The following TCEA2 variants were observed in gnomAD, a reference collection of about 807,000 sequenced individuals.
TCEA2 encodes transcription elongation factor A protein 2.
Under a neutral mutation model 40.8 loss-of-function variants are expected in TCEA2, and 21 were observed. That is an observed-to-expected ratio of 0.51 (90% CI 0.36 to 0.74). TCEA2 has a LOEUF of 0.74. Among genes scored for constraint, TCEA2 ranks in the 30% least tolerant of loss-of-function variants. The pLI is 0.00. For missense variants in TCEA2, 326 were observed against 426.5 expected, an observed-to-expected ratio of 0.76 and a Z score of 2.08; for synonymous variants, 165 against 162.7, an observed-to-expected ratio of 1.01 and a Z score of -0.11.
At position 64,066,474 on chromosome 20, in the gene TCEA2, A is replaced by G. The variant is rs113421281; in HGVS notation, c.73-2A>G. 1 of 1,613,802 alleles carries G rather than the reference A, an allele frequency of 6.2e-7. No individual in the cohort carries two copies. Among genetic ancestry groups the G allele is most frequent in the Non-Finnish European group, 8.5e-7 (1 of 1,179,808 alleles). ...TTATGAAGGTCCTCCTTCTCCTTCC[A>G]GGAGGGAGCCATGGATTTGCTGCGG... On this transcript the variant is annotated splice_acceptor_variant, in intron 1 of 9. Transcript: ENST00000343484. LOFTEE classifies it high-confidence loss of function.
chr20:64,063,731 T>C (rs934365286), intron 1 of TCEA2: 5 of 286,732 alleles, frequency 1.7e-5, no homozygotes, highest in Non-Finnish European at 3.3e-5. Flanking sequence ...GCCCGTCGAC[T>C]CCTTCCTTGG....
intron 3 of TCEA2, 58 bp downstream of exon 3, chr20:64,067,078 C>T: frequency 6.6e-7 from 1 of 1,510,872 alleles, no homozygotes; most frequent in Non-Finnish European, 9.0e-7. Flanking sequence ...AGTGCTGCCT[C>T]TTGCTGGTCA....
Position 64,070,304 on chromosome 20 carries a change from C to A in TCEA2, c.562C>A (p.Arg188Ser). Residue 188 changes from arginine (R) to serine (S), a missense_variant, in exon 7 of 10, where the codon CGT becomes AGT. By Grantham distance (110) the Arg-to-Ser change is moderately radical (BLOSUM62 -1). Coordinates refer to ENST00000343484, the MANE Select transcript of TCEA2 (RefSeq NM_003195.6). ...VGNTDMKYKN[R>S]VRSRISNLKD... The stretch of plus-strand genomic sequence containing the variant: ...AAACACAGACATGAAGTATAAGAAC[C>A]GTGTACGGAGTCGTATCTCCAACCT... The A allele has an allele frequency of 6.2e-7, 1 of 1,614,202 alleles. No individual in the cohort carries two copies. The highest frequency in any genetic ancestry group is 1.1e-5 in the South Asian group (1 of 91,084).
chr20:64,069,064 T>C (rs1011761909), intron 4 of TCEA2, among the ~76,000 whole-genome samples: 1 of 152,216 alleles, frequency 6.6e-6, no homozygotes, highest in Non-Finnish European at 1.5e-5. Flanking sequence ...GATCGACTGG[T>C]AATGCTGCCC....
At chr20:64,060,286 G>A (rs988341191), upstream of TCEA2, among the ~76,000 whole-genome samples, 1 of 152,210 alleles carries the variant, frequency 6.6e-6, no homozygotes, top group African/African-American at 2.4e-5. Flanking sequence ...TCCTTTCGGT[G>A]GTCTTCAAAT....
chr20:64,066,659 G>A (rs776419911), intron 2 of TCEA2, 121 bp downstream of exon 2: 2 of 1,151,376 alleles, frequency 1.7e-6, no homozygotes, highest in Non-Finnish European at 1.3e-6. Context: ...TGGCACAAAT[G>A]CCTGTTCCTG....
At chr20:64,069,853 T>G (rs1215418423) in intron 6 of TCEA2, 32 bp downstream of exon 6, 1 of 1,609,628 alleles carries the variant, frequency 6.2e-7, no homozygotes, top group Admixed American at 1.7e-5. Context: ...TGGGCCTGGG[T>G]TTCTGGTGGA....
At chr20:64,061,211 C>G (rs2059558810), upstream of TCEA2, among the ~76,000 whole-genome samples, 1 of 148,594 alleles carries the variant, frequency 6.7e-6, no homozygotes, top group South Asian at 2.2e-4. Flanking sequence ...AGTGATTCTC[C>G]TGCCTCAGCC....
At chr20:64,056,665 T>C (rs1464275073), upstream of TCEA2, 2 of 152,038 alleles carry the variant, frequency 1.3e-5, no homozygotes, top group African/African-American at 2.4e-5. Context: ...GAAGCATGGA[T>C]AGCGGCCACT....
rs748043302 is a variant in TCEA2, at chr20:64,069,403, G to T, written c.372G>T (p.Arg124Ser). The change falls in exon 5 of 10, where the codon AGG (arginine) becomes AGT (serine). Residue 124 changes from arginine (R) to serine (S), a missense_variant. By Grantham distance (110) the Arg-to-Ser change is moderately radical. Transcript: ENST00000343484. The part of the protein sequence containing the change: ...PELPRAPSTP[R>S]ITTFPPVPVT... Reference sequence around the variant, plus strand: ...TGCCCAGGGCACCGTCGACTCCGAGGATCACCACATTTCCTCCGGTGCCTG... The same window carrying T: ...TGCCCAGGGCACCGTCGACTCCGAGTATCACCACATTTCCTCCGGTGCCTG... The T allele has an allele frequency of 6.2e-7, 1 of 1,611,522 alleles. No individual in the cohort carries two copies. The highest frequency in any genetic ancestry group is 8.5e-7 in the Non-Finnish European group (1 of 1,179,206).
chr20:64,067,147 G>A, intron 3 of TCEA2, 127 bp downstream of exon 3: 1 of 941,480 alleles, frequency 1.1e-6, no homozygotes, highest in Non-Finnish European at 1.6e-6. Context: ...GAGTGGGGCA[G>A]TGGCAAACCC....
At position 64,069,787 on chromosome 20, in the gene TCEA2, G is replaced by C. The variant is rs138147241; in HGVS notation, c.483G>C (p.Ala161=). The C allele has an allele frequency of 6.2e-7, 1 of 1,613,626 alleles. No homozygotes were observed. Among genetic ancestry groups the C allele is most frequent in the Non-Finnish European group, 8.5e-7 (1 of 1,179,628 alleles). Residue 161 remains alanine (A), a synonymous_variant, in exon 6 of 10, where the codon GCG becomes GCC. Transcript: ENST00000343484. ...QTDHDHVAIG[A]DCERLSAQIE... is the part of the protein sequence containing the mutation. ...CAGATGACCACGTGGCCATCGGTGC[G>C]GACTGCGAGCGCCTGTCGGCTCAGA... is the stretch of plus-strand genomic sequence containing the variant.
chr20:64,062,292 T>TGCACCTGTCCCC (rs1186775820), upstream of TCEA2: 1 of 152,354 alleles, frequency 6.6e-6, no homozygotes, highest in Non-Finnish European at 1.5e-5. Flanking sequence ...ATGCTGGCCC[T>TGCACCTGTCCCC]GCACCTGTCC....
Position 64,066,513 on chromosome 20 carries a change from T to G in TCEA2, c.110T>G (p.Met37Arg), listed in dbSNP as rs1279272541. The change falls in exon 2 of 10, where the codon ATG (methionine) becomes AGG (arginine). Residue 37 changes from methionine (M) to arginine (R), a missense_variant. Met to Arg is a moderately conservative substitution (Grantham distance 91). Coordinates refer to ENST00000343484, the MANE Select transcript of TCEA2 (RefSeq NM_003195.6). ...AMDLLRELKA[M>R]PITLHLLQST... Reference sequence around the variant, plus strand: ...GATTTGCTGCGGGAGCTGAAGGCCATGCCTATCACGCTGCACCTGCTCCAG... The same window carrying G: ...GATTTGCTGCGGGAGCTGAAGGCCAGGCCTATCACGCTGCACCTGCTCCAG... 6.2e-7 allele frequency: 1 copy of G among 1,613,880 alleles called. No homozygotes were observed. The highest frequency in any genetic ancestry group is 1.7e-5 in the Admixed American group (1 of 60,018).
At chr20:64,063,675 A>G (rs2059621090) in intron 1 of TCEA2, 2 of 479,764 alleles carry the variant, frequency 4.2e-6, no homozygotes, top group Admixed American at 7.7e-5. Context: ...CCGCAGTCAC[A>G]GGCTCCGCAC....
chr20:64,071,711 C>T (rs767518929), intron 8 of TCEA2, 159 bp from the exon 9 acceptor site: 30 of 744,218 alleles, frequency 4.0e-5, no homozygotes, highest in Non-Finnish European at 5.6e-5. Context: ...CTCCCTCCCC[C>T]GGAGGCTCAG....
chr20:64,067,956 G>C, intron 3 of TCEA2, 91 bp from the exon 4 acceptor site: 1 of 972,284 alleles, frequency 1.0e-6, no homozygotes, highest in South Asian at 1.8e-5. Flanking sequence ...GGCCGTGTTG[G>C]TGGTCGGGCT....
At position 64,071,850 on chromosome 20, in the gene TCEA2, T is replaced by C; in HGVS notation, c.820-20T>C. On this transcript the variant is annotated intron_variant, in intron 8 of 9. Transcript: ENST00000343484. ...GCGGAGCATGGAGGTGACCCTGGGT[T>C]CACCCAGCCCTGTTCACAGGTGCAG... 6.2e-7 allele frequency: 1 copy of C among 1,612,976 alleles called. No individual in the cohort carries two copies. The highest frequency in any genetic ancestry group is 8.5e-7 in the Non-Finnish European group (1 of 1,179,574).
In TCEA2 at chr20:64,068,079, A is replaced by G; in HGVS notation, c.274A>G (p.Arg92Gly). 6.2e-7 allele frequency: 1 copy of G among 1,607,262 alleles called. No individual in the cohort carries two copies. Among genetic ancestry groups the G allele is most frequent in the Non-Finnish European group, 8.5e-7 (1 of 1,177,306 alleles). The change falls in exon 4 of 10, where the codon AGG (arginine) becomes GGG (glycine). Residue 92 changes from arginine to glycine, a missense_variant. Physicochemically the swap from Arg to Gly is moderately radical, Grantham distance 125. Transcript: ENST00000343484. ...ASDAKARERG[R>G]GMPLPTSSRD... ...CGATGCCAAAGCCAGGGAGCGGGGG[A>G]GGGGCATGCCTCTGCCCACGTCCTC... is the stretch of plus-strand genomic sequence containing the variant.
Sources: allele counts gnomAD v4.1 joint callset (sites outside exome capture counted in the v4.1 genomes callset), GRCh38; gene constraint gnomAD v4.1.1; transcripts MANE v1.5; gene names NCBI Gene and HGNC (gene_info 2026-07-23, HGNC 2026-07-21).